The following HERC4 variants were observed in gnomAD, a reference collection of about 807,000 sequenced individuals.
The protein encoded by HERC4 is HECT and RLD domain containing E3 ubiquitin protein ligase 4.
HERC4 carries 28 observed loss-of-function variants against 124.3 expected under a neutral mutation model. That is an observed-to-expected ratio of 0.23 (90% CI 0.17 to 0.31). The LOEUF (loss-of-function observed/expected upper bound fraction) is 0.31, where lower values mean the gene tolerates loss of function less well. HERC4 is among the 10% of genes least tolerant of loss of function. The pLI is 1.00. For synonymous variants in HERC4, 407 were observed against 421.5 expected, an observed-to-expected ratio of 0.97 and a Z score of 0.42; for missense variants, 713 against 1,229.3, an observed-to-expected ratio of 0.58 and a Z score of 6.28.
At chr10:68,003,255 T>G (rs1158398291) in intron 9 of HERC4, among the ~76,000 whole-genome samples, 1 of 151,598 alleles carries the variant, frequency 6.6e-6, no homozygotes, top group Non-Finnish European at 1.5e-5. Context: ...CCCGGGTTCA[T>G]GCCATTCTCT....
At chr10:68,017,492 T>C (rs2038339148) in intron 8 of HERC4, among the ~76,000 whole-genome samples, 1 of 152,236 alleles carries the variant, frequency 6.6e-6, no homozygotes, top group African/African-American at 2.4e-5. Context: ...TTTATTTATT[T>C]ATTTTTTTGA....
At chr10:67,957,179 G>A (rs1043396792) in intron 16 of HERC4, among the ~76,000 whole-genome samples, 5 of 152,124 alleles carry the variant, frequency 3.3e-5, no homozygotes, top group Non-Finnish European at 7.4e-5. Flanking sequence ...TTTAGGGGGC[G>A]ACTGTATACT....
chr10:68,027,831 G>A lies in HERC4; in HGVS notation c.778-2155C>T, dbSNP rs577058061. On this transcript the variant is annotated intron_variant, in intron 7 of 24. Transcript: ENST00000373700. Reference sequence around the variant, plus strand: ...CCAGCTACTCGGGAGGCTGAGGCAGGAGAATCACTTGAATCCAGGAGATGG... The same window carrying A: ...CCAGCTACTCGGGAGGCTGAGGCAGAAGAATCACTTGAATCCAGGAGATGG... 3.9e-5 allele frequency among the ~76,000 whole-genome samples: 6 copies of A among 152,022 alleles called. No homozygotes were observed. In the South Asian group the frequency reaches 1.2e-3, roughly 32 times the overall value.
chr10:67,954,833 C>T (rs2034036625), intron 18 of HERC4, 95 bp from the exon 19 acceptor site: 3 of 1,212,686 alleles, frequency 2.5e-6, no homozygotes, highest in Non-Finnish European at 3.3e-6. Flanking sequence ...TAATACTCTA[C>T]AATTAATAGT....
rs183947471 is a variant in HERC4 at position 68,057,568 on chromosome 10, G to T, written c.227-13005C>A. 1.3e-4 allele frequency among the ~76,000 whole-genome samples: 20 copies of T among 150,476 alleles called. No homozygotes were observed. In the East Asian group the frequency reaches 3.7e-3, roughly 28 times the overall value. Reference sequence around the variant, plus strand: ...GAACCCAGGAGGCAGAGGTCAAAGTGAGCCGAGATCACGCCACTGCACTCC... The same window carrying T: ...GAACCCAGGAGGCAGAGGTCAAAGTTAGCCGAGATCACGCCACTGCACTCC... On this transcript the variant is annotated intron_variant, in intron 3 of 24. Transcript: ENST00000373700.
chr10:68,020,577 T>C (rs1206622036), intron 8 of HERC4, among the ~76,000 whole-genome samples: 1 of 151,396 alleles, frequency 6.6e-6, no homozygotes, highest in Non-Finnish European at 1.5e-5. Flanking sequence ...CCACCCCGGC[T>C]AAAAAAACGG....
At chr10:68,069,776 C>T in intron 3 of HERC4, 5 of 984,964 alleles carry the variant, frequency 5.1e-6, no homozygotes, top group Non-Finnish European at 6.0e-6. Context: ...GGCACGGTGG[C>T]TCACGCCTGT....
chr10:68,068,980 A>C (rs2041437879), intron 3 of HERC4: 1 of 883,262 alleles, frequency 1.1e-6, no homozygotes, highest in South Asian at 5.2e-5. Context: ...AACACAAAAA[A>C]CTGTTTTTTA....
intron 8 of HERC4, among the ~76,000 whole-genome samples, chr10:68,021,408 AG>A (rs1185349459): frequency 6.6e-6 from 1 of 152,242 alleles, no homozygotes; most frequent in Non-Finnish European, 1.5e-5. Flanking sequence ...GAATTGATGC[AG>A]AAAAAGCACT....
chr10:68,068,241 T>A (rs575169055), intron 3 of HERC4: 1 of 152,146 alleles, frequency 6.6e-6, no homozygotes, highest in South Asian at 2.1e-4. Flanking sequence ...TCCCAGCACT[T>A]TGGGAGACCG....
chr10:68,063,868 G>A (rs542965030), intron 3 of HERC4, among the ~76,000 whole-genome samples: 1 of 152,296 alleles, frequency 6.6e-6, no homozygotes, highest in African/African-American at 2.4e-5. Context: ...GAACCTGGGA[G>A]GTGGAGGCTG....
At chr10:68,025,730 TG>T in intron 7 of HERC4, 54 bp from the exon 8 acceptor site, 1 of 1,526,578 alleles carries the variant, frequency 6.6e-7, no homozygotes, top group Non-Finnish European at 8.8e-7. Flanking sequence ...AGAAAATAAC[TG>T]ATCTCCAGAA....
intron 9 of HERC4, among the ~76,000 whole-genome samples, chr10:68,013,305 C>A (rs758530821): frequency 6.6e-6 from 1 of 152,124 alleles, no homozygotes; most frequent in African/African-American, 2.4e-5. Context: ...TGCTTTATTA[C>A]GATATTTGCT....
In HERC4 at chr10:68,062,266, G is replaced by T. The variant is rs555573640; in HGVS notation, c.226+10617C>A. On this transcript the variant is annotated intron_variant, in intron 3 of 24. Coordinates refer to ENST00000373700, the MANE Select transcript of HERC4 (RefSeq NM_015601.4). ...ATCTTTTAACTTGCCTCTTAAAAGA[G>T]AATATTTCTCTTCTTCCTGGATTCC... is the stretch of plus-strand genomic sequence containing the variant. Among the ~76,000 whole-genome samples the T allele has an allele frequency of 9.2e-5, 14 of 152,196 alleles. No individual in the cohort carries two copies. In the South Asian group the frequency reaches 2.1e-3, roughly 23 times the overall value.
chr10:68,062,704 G>A (rs2041093432), intron 3 of HERC4, among the ~76,000 whole-genome samples: 1 of 152,002 alleles, frequency 6.6e-6, no homozygotes, highest in African/African-American at 2.4e-5. Context: ...AGGTTGCAGT[G>A]AGCTGGGATC....
At chr10:67,974,300 A>G (rs1454285417) in intron 15 of HERC4, among the ~76,000 whole-genome samples, 1 of 152,186 alleles carries the variant, frequency 6.6e-6, no homozygotes, top group Non-Finnish European at 1.5e-5. Context: ...AAAAGGAGCC[A>G]AATGCAGACC....
intron 5 of HERC4, among the ~76,000 whole-genome samples, chr10:68,037,268 G>C (rs981469464): frequency 6.6e-6 from 1 of 151,698 alleles, no homozygotes; most frequent in African/African-American, 2.4e-5. Flanking sequence ...CTAATTTTTT[G>C]TATTTTTAGT....
At position 68,059,720 on chromosome 10, in the gene HERC4, A is replaced by ATATATTATATATCATAATATTATATAT. The variant is rs2040838937; in HGVS notation, c.226+13136_226+13162dup. 6.3e-5 allele frequency among the ~76,000 whole-genome samples: 3 copies of ATATATTATATATCATAATATTATATAT among 47,810 alleles called. 1 individual carries two copies. The highest frequency in any genetic ancestry group is 1.4e-3 in the South Asian group (2 of 1,430). The allele number at this position is 47,810 out of a possible 152,430, so 31.4% of individuals were successfully genotyped here. A position where few individuals can be genotyped will look rare whatever the true frequency, so the allele number is the denominator to read the frequency against. On this transcript the variant is annotated intron_variant, in intron 3 of 24. Transcript: ENST00000373700. ...TTATAATATTATATATCATAATATT[A>ATATATTATATATCATAATATTATATAT]TATATTATATATCATAATATTATAT...
chr10:67,938,826 C>T (rs2032622581), intron 21 of HERC4, among the ~76,000 whole-genome samples: 1 of 152,102 alleles, frequency 6.6e-6, no homozygotes, highest in South Asian at 2.1e-4. Context: ...CACCTGTAAT[C>T]CCAGCTACTC....
Sources: allele counts gnomAD v4.1 joint callset (sites outside exome capture counted in the v4.1 genomes callset), GRCh38; gene constraint gnomAD v4.1.1; transcripts MANE v1.5; gene names NCBI Gene and HGNC (gene_info 2026-07-23, HGNC 2026-07-21).